Variants in MTFR1 observed in about 807,000 individuals in gnomAD.
The protein encoded by MTFR1 is chondrocyte protein with a poly-proline region.
Under a neutral mutation model 38.8 loss-of-function variants are expected in MTFR1, and 28 were observed. That is an observed-to-expected ratio of 0.72 (90% CI 0.53 to 0.99). The LOEUF (loss-of-function observed/expected upper bound fraction) is 0.99. Among genes scored for constraint, MTFR1 ranks in the 50% least tolerant of loss-of-function variants. MTFR1 has a pLI of 0.00. For synonymous variants in MTFR1, 145 were observed against 137.0 expected (o/e 1.06, Z -0.41); for missense variants, 358 against 395.5 (o/e 0.91, Z 0.81).
chr8:65,774,301 G>A (rs996943084), downstream of MTFR1, among the ~76,000 whole-genome samples: 1 of 139,938 alleles, frequency 7.1e-6, no homozygotes, highest in African/African-American at 3.1e-5. Flanking sequence ...TTTTTGTACT[G>A]ACATTTATAG....
chr8:65,752,997 G>A (rs1474112192), intron 3 of MTFR1, among the ~76,000 whole-genome samples: 1 of 152,070 alleles, frequency 6.6e-6, no homozygotes, highest in African/African-American at 2.4e-5. Context: ...TAATGCAACT[G>A]AACTCCTTTT....
At chr8:65,680,124 A>C (rs1277737949) in intron 2 of MTFR1, among the ~76,000 whole-genome samples, 6 of 137,098 alleles carry the variant, frequency 4.4e-5, no homozygotes, top group Non-Finnish European at 9.1e-5. Flanking sequence ...CAGGGGTATT[A>C]TATATCCTTC....
intron 3 of MTFR1, among the ~76,000 whole-genome samples, chr8:65,736,407 C>T (rs966889719): frequency 3.9e-5 from 6 of 152,120 alleles, no homozygotes; most frequent in African/African-American, 1.2e-4. Flanking sequence ...GAGATAAAGG[C>T]GGACTACTGT....
At chr8:65,715,255 G>A (rs1307874009), downstream of MTFR1, among the ~76,000 whole-genome samples, 5 of 152,062 alleles carry the variant, frequency 3.3e-5, no homozygotes, top group Non-Finnish European at 5.9e-5. Context: ...GGAGCTATAG[G>A]CCTGATGCAG....
chr8:65,749,335 G>C (rs953453746), intron 3 of MTFR1, among the ~76,000 whole-genome samples: 1 of 152,090 alleles, frequency 6.6e-6, no homozygotes, highest in African/African-American at 2.4e-5. Context: ...AATATCTGAT[G>C]AACTCTGAGG....
In MTFR1 at chr8:65,662,223, G is replaced by C. The variant is rs571719683; in HGVS notation, c.-80-7650G>C. On this transcript the variant is annotated intron_variant, in intron 1 of 7. Coordinates refer to ENST00000262146, the MANE Select transcript of MTFR1 (RefSeq NM_014637.4). ...CCTGATTCTCCTGCCTCAGCCTGCCGAGTGCCTGCGATTGCAGGCGCGCGC... is the reference window on the plus strand; with the variant it reads ...CCTGATTCTCCTGCCTCAGCCTGCCCAGTGCCTGCGATTGCAGGCGCGCGC... Among the ~76,000 whole-genome samples the C allele has an allele frequency of 1.3e-4, 20 of 152,040 alleles. 1 individual carries two copies. The highest frequency in any genetic ancestry group is 2.9e-4 in the African/African-American group (12 of 41,496).
intron 1 of MTFR1, among the ~76,000 whole-genome samples, chr8:65,662,157 G>C (rs1230601186): frequency 6.6e-6 from 1 of 151,430 alleles, no homozygotes; most frequent in Admixed American, 6.6e-5. Context: ...AGCGGAAGCT[G>C]GACTGTACTG....
chr8:65,708,596 G>C (rs1415112095), intron 7 of MTFR1, among the ~76,000 whole-genome samples: 1 of 152,136 alleles, frequency 6.6e-6, no homozygotes, highest in Non-Finnish European at 1.5e-5. Flanking sequence ...CCTGGGGCGT[G>C]TGTGTGCTAA....
chr8:65,715,023 T>A (rs1450963292), downstream of MTFR1, among the ~76,000 whole-genome samples: 1 of 152,122 alleles, frequency 6.6e-6, no homozygotes, highest in African/African-American at 2.4e-5. Flanking sequence ...CAAGGACCTT[T>A]TACTCCTAGA....
intron 2 of MTFR1, chr8:65,718,829 G>A (rs1406280311): frequency 6.1e-6 from 1 of 163,022 alleles, no homozygotes; most frequent in Non-Finnish European, 1.4e-5. Context: ...TGTAAACATT[G>A]TCTTGCCAGA....
intron 1 of MTFR1, among the ~76,000 whole-genome samples, chr8:65,665,426 T>C (rs535613984): frequency 1.6e-4 from 24 of 152,318 alleles, no homozygotes; most frequent in African/African-American, 5.8e-4. Context: ...ATTAAAGATA[T>C]AGTCACAGAC....
At chr8:65,738,331 T>C (rs1243540812) in intron 3 of MTFR1, among the ~76,000 whole-genome samples, 1 of 152,186 alleles carries the variant, frequency 6.6e-6, no homozygotes, top group African/African-American at 2.4e-5. Flanking sequence ...AATATCACAA[T>C]GAGGGTCAGA....
intron 1 of MTFR1, among the ~76,000 whole-genome samples, chr8:65,666,038 A>C (rs1477725686): frequency 2.0e-5 from 3 of 152,200 alleles, no homozygotes; most frequent in Non-Finnish European, 4.4e-5. Flanking sequence ...TTCATACTTC[A>C]ATATTTTATG....
chr8:65,672,959 TATC>T (rs1804602822), intron 2 of MTFR1, among the ~76,000 whole-genome samples: 1 of 152,244 alleles, frequency 6.6e-6, no homozygotes, highest in Non-Finnish European at 1.5e-5. Flanking sequence ...CTTGCTTTCT[TATC>T]ATTCATGTGT....
intron 1 of MTFR1, among the ~76,000 whole-genome samples, chr8:65,668,993 G>C (rs1241215841): frequency 3.3e-5 from 5 of 152,270 alleles, no homozygotes; most frequent in Middle Eastern, 3.4e-3. Context: ...GAATGGCAGG[G>C]GTTATGGTGC....
At chr8:65,769,633 T>C (rs1055197502) in intron 3 of MTFR1, among the ~76,000 whole-genome samples, 1 of 152,076 alleles carries the variant, frequency 6.6e-6, no homozygotes, top group Admixed American at 6.5e-5. Flanking sequence ...CGGTAGCTCA[T>C]ACCTGTAATC....
downstream of MTFR1, among the ~76,000 whole-genome samples, chr8:65,712,287 G>A (rs1000604628): frequency 2.6e-5 from 4 of 152,150 alleles, no homozygotes; most frequent in Non-Finnish European, 4.4e-5. Flanking sequence ...GGCACTGACC[G>A]CGGGGGCTGA....
chr8:65,755,699 A>C (rs1449568598), intron 3 of MTFR1, among the ~76,000 whole-genome samples: 1 of 152,234 alleles, frequency 6.6e-6, no homozygotes, highest in African/African-American at 2.4e-5. Context: ...CTTGTGTAGT[A>C]ACCTTTACCA....
At chr8:65,713,718 C>G (rs1437080286), downstream of MTFR1, among the ~76,000 whole-genome samples, 1 of 152,160 alleles carries the variant, frequency 6.6e-6, no homozygotes. Context: ...CAGTCTTACT[C>G]TGTTGCCCAG....
Sources: allele counts gnomAD v4.1 joint callset (sites outside exome capture counted in the v4.1 genomes callset), GRCh38; gene constraint gnomAD v4.1.1; transcripts MANE v1.5; gene names NCBI Gene and HGNC (gene_info 2026-07-23, HGNC 2026-07-21).